The following MICAL2 variants were observed in gnomAD, a reference collection of about 807,000 sequenced individuals.
MICAL2 encodes [F-actin]-monooxygenase MICAL2.
Under a neutral mutation model 127.3 loss-of-function variants are expected in MICAL2, and 77 were observed. That is an observed-to-expected ratio of 0.60 (90% confidence interval 0.50 to 0.73). The LOEUF (loss-of-function observed/expected upper bound fraction) is 0.73, where lower values mean the gene tolerates loss of function less well. Ranked by LOEUF, MICAL2 falls within the 30% of genes least tolerant of loss-of-function variation. The probability of loss-of-function intolerance (pLI) is 0.00; values close to 1 mark genes in which losing one functional copy is unlikely to be tolerated. For missense variants in MICAL2, 1,351 were observed against 1,434.4 expected (o/e 0.94, Z 0.94); for synonymous variants, 570 against 551.1 (o/e 1.03, Z -0.48).
intron 1 of MICAL2, among the ~76,000 whole-genome samples, chr11:12,132,919 C>T (rs187785018): frequency 5.4e-4 from 82 of 152,312 alleles, no homozygotes; most frequent in South Asian, 1.2e-3. Flanking sequence ...ATGCAGACTT[C>T]GGTGCTGGGT....
intron 15 of MICAL2, among the ~76,000 whole-genome samples, chr11:12,231,961 G>T (rs138142662): frequency 6.6e-6 from 1 of 152,208 alleles, no homozygotes; most frequent in Non-Finnish European, 1.5e-5. Context: ...ATTTACGTCT[G>T]CTGGGGGTCT....
intron 9 of MICAL2, among the ~76,000 whole-genome samples, chr11:12,221,273 T>A (rs1245474921): frequency 6.6e-6 from 1 of 152,172 alleles, no homozygotes; most frequent in Non-Finnish European, 1.5e-5. Flanking sequence ...CCACCATGCC[T>A]TTGCCCACAC....
intron 2 of MICAL2, among the ~76,000 whole-genome samples, chr11:12,153,056 C>G (rs949762071): frequency 4.6e-5 from 7 of 151,852 alleles, no homozygotes; most frequent in Admixed American, 4.6e-4. Context: ...TTGAGGCAGG[C>G]TCTTGTTCTA....
intron 2 of MICAL2, among the ~76,000 whole-genome samples, chr11:12,150,426 GA>G (rs201730703): frequency 2.8e-5 from 4 of 145,258 alleles, no homozygotes; most frequent in East Asian, 2.0e-4. Flanking sequence ...GATCCTGTCT[GA>G]AAAAAAAAAC....
chr11:12,122,182 G>A (rs1850559735), intron 1 of MICAL2, among the ~76,000 whole-genome samples: 1 of 152,160 alleles, frequency 6.6e-6, no homozygotes, highest in Non-Finnish European at 1.5e-5. Context: ...CTGTAAAATG[G>A]GAGTGATGCT....
chr11:12,262,003 T>G, intron 26 of MICAL2: 1 of 999,404 alleles, frequency 1.0e-6, no homozygotes, highest in African/African-American at 1.7e-5. Flanking sequence ...GAAGCCCGAG[T>G]CGGAATCTCT....
At chr11:12,160,890 A>G (rs765165550) in intron 2 of MICAL2, among the ~76,000 whole-genome samples, 1 of 152,246 alleles carries the variant, frequency 6.6e-6, no homozygotes, top group Non-Finnish European at 1.5e-5. Flanking sequence ...TTAAGGAGGA[A>G]GATAAACACC....
chr11:12,157,225 A>C (rs1283497369), intron 2 of MICAL2, among the ~76,000 whole-genome samples: 3 of 152,212 alleles, frequency 2.0e-5, no homozygotes, highest in Non-Finnish European at 2.9e-5. Context: ...CAGGGAAGGC[A>C]AGAGGCATCA....
intron 32 of MICAL2, among the ~76,000 whole-genome samples, chr11:12,348,586 A>G (rs900692689): frequency 6.6e-6 from 1 of 152,162 alleles, no homozygotes; most frequent in East Asian, 1.9e-4. Flanking sequence ...AAGGGAACTA[A>G]TTTTTATGGA....
At chr11:12,129,455 G>C (rs1025582346) in intron 1 of MICAL2, among the ~76,000 whole-genome samples, 5 of 152,086 alleles carry the variant, frequency 3.3e-5, no homozygotes, top group African/African-American at 1.2e-4. Flanking sequence ...CAAGTGGAAG[G>C]TAATGAAACA....
At chr11:12,244,415 T>C (rs1191956763) in intron 21 of MICAL2, among the ~76,000 whole-genome samples, 1 of 152,242 alleles carries the variant, frequency 6.6e-6, no homozygotes, top group Non-Finnish European at 1.5e-5. Flanking sequence ...GCAGTTCCCT[T>C]ACTACAGTTG....
At chr11:12,226,782 A>G (rs1253045799) in intron 14 of MICAL2, among the ~76,000 whole-genome samples, 3 of 150,608 alleles carry the variant, frequency 2.0e-5, no homozygotes, top group African/African-American at 7.3e-5. Flanking sequence ...CCTCCCGAGT[A>G]GCTGGGACTA....
intron 2 of MICAL2, among the ~76,000 whole-genome samples, chr11:12,154,784 C>T (rs1298655334): frequency 6.6e-6 from 1 of 152,182 alleles, no homozygotes; most frequent in Non-Finnish European, 1.5e-5. Context: ...CTTGTAGACT[C>T]TCCAAGCCCA....
chr11:12,149,141 C>A (rs1404313673), intron 2 of MICAL2, among the ~76,000 whole-genome samples: 2 of 152,108 alleles, frequency 1.3e-5, no homozygotes, highest in African/African-American at 4.8e-5. Context: ...GATAGGCATT[C>A]CAGACAGAGG....
downstream of MICAL2, among the ~76,000 whole-genome samples, chr11:12,267,727 G>A (rs1413462840): frequency 2.0e-5 from 3 of 152,056 alleles, no homozygotes; most frequent in Non-Finnish European, 4.4e-5. Context: ...TCAGCCACCC[G>A]AGTAGCTGAG....
intron 26 of MICAL2, chr11:12,261,477 A>T: frequency 1.0e-6 from 1 of 985,518 alleles, no homozygotes; most frequent in Non-Finnish European, 1.2e-6. Flanking sequence ...CGCTGCCTAG[A>T]CATACACAGC....
intron 15 of MICAL2, among the ~76,000 whole-genome samples, chr11:12,234,724 T>C (rs1277910378): frequency 6.6e-6 from 1 of 152,130 alleles, no homozygotes; most frequent in Non-Finnish European, 1.5e-5. Flanking sequence ...CAGGGGATGA[T>C]GAAGAGGACA....
At chr11:12,329,605 G>A (rs1299955970) in intron 32 of MICAL2, among the ~76,000 whole-genome samples, 1 of 152,150 alleles carries the variant, frequency 6.6e-6, no homozygotes. Context: ...TTTTTTATCT[G>A]AAAAGTGAAG....
At chr11:12,332,820 C>G (rs1182310191) in intron 32 of MICAL2, among the ~76,000 whole-genome samples, 2 of 152,162 alleles carry the variant, frequency 1.3e-5, no homozygotes, top group Non-Finnish European at 2.9e-5. Flanking sequence ...ACAGTAGTAT[C>G]CTGACCCCCT....
Sources: gnomAD v4.1 joint callset for allele counts (sites outside exome capture counted in the v4.1 genomes callset) on GRCh38, gnomAD v4.1.1 for gene constraint, MANE v1.5 for transcripts, NCBI Gene and HGNC (gene_info 2026-07-23, HGNC 2026-07-21) for gene names.